LRRTM4: variants seen among roughly 807,000 people sequenced by gnomAD.
LRRTM4 encodes the protein leucine-rich repeat transmembrane neuronal protein 4.
A neutral mutation model predicts 47.6 loss-of-function variants in LRRTM4; 25 were observed. The ratio of observed to expected loss-of-function variants is 0.53; its 90% CI spans 0.38 to 0.73. The LOEUF (loss-of-function observed/expected upper bound fraction) is 0.73. Ranked by LOEUF, LRRTM4 falls within the 30% of genes least tolerant of loss-of-function variation. The probability of loss-of-function intolerance (pLI) is 0.00; values close to 1 mark genes in which losing one functional copy is unlikely to be tolerated. For synonymous variants in LRRTM4, 311 were observed against 269.5 expected (o/e 1.15, Z -1.51); for missense variants, 638 against 713.4 (o/e 0.89, Z 1.20).
chr2:77,171,110 G>A (rs984402699), intron 3 of LRRTM4, among the ~76,000 whole-genome samples: 2 of 151,564 alleles, frequency 1.3e-5, no homozygotes, highest in Non-Finnish European at 2.9e-5. Context: ...ATCTTTTGAC[G>A]GTACCAGCTT....
At chr2:77,059,986 G>T (rs1203458392) in intron 3 of LRRTM4, among the ~76,000 whole-genome samples, 1 of 152,178 alleles carries the variant, frequency 6.6e-6, no homozygotes, top group Non-Finnish European at 1.5e-5. Context: ...TTTAGAGGCA[G>T]GGTAGAGCAG....
intron 3 of LRRTM4, among the ~76,000 whole-genome samples, chr2:77,395,327 T>G (rs368893848): frequency 1.3e-5 from 2 of 151,978 alleles, no homozygotes; most frequent in East Asian, 3.9e-4. Flanking sequence ...ATTTTAATTT[T>G]AGTCTTACTT....
At chr2:77,386,926 G>T (rs921988876) in intron 3 of LRRTM4, among the ~76,000 whole-genome samples, 1 of 152,020 alleles carries the variant, frequency 6.6e-6, no homozygotes, top group African/African-American at 2.4e-5. Context: ...ATGTTCTGCA[G>T]ATGTATCCCA....
At chr2:76,904,038 C>T (rs1459274887) in intron 3 of LRRTM4, among the ~76,000 whole-genome samples, 5 of 152,248 alleles carry the variant, frequency 3.3e-5, no homozygotes, top group African/African-American at 1.2e-4. Context: ...CATTCAAACT[C>T]ATTTAATATT....
At chr2:76,788,660 GA>G (rs1273767961) in intron 3 of LRRTM4, among the ~76,000 whole-genome samples, 1 of 152,134 alleles carries the variant, frequency 6.6e-6, no homozygotes, top group Non-Finnish European at 1.5e-5. Flanking sequence ...TCATAAGAGA[GA>G]AAAGTAATAG....
intron 3 of LRRTM4, among the ~76,000 whole-genome samples, chr2:77,072,800 CAAAAAAAAAA>C (rs373786120): frequency 5.1e-5 from 4 of 78,742 alleles, no homozygotes; most frequent in Admixed American, 1.8e-4. Flanking sequence ...CTCCGTCTTC[CAAAAAAAAAA>C]AAAAAAAAAA....
At chr2:77,093,108 C>T (rs1032856497) in intron 3 of LRRTM4, among the ~76,000 whole-genome samples, 2 of 146,698 alleles carry the variant, frequency 1.4e-5, no homozygotes, top group African/African-American at 5.4e-5. Context: ...GTCATCCCCA[C>T]TATCTTCTGT....
At chr2:77,224,500 A>C (rs1042237279) in intron 3 of LRRTM4, among the ~76,000 whole-genome samples, 2 of 152,182 alleles carry the variant, frequency 1.3e-5, no homozygotes, top group African/African-American at 4.8e-5. Context: ...CAATGAACTC[A>C]AACAAATTTG....
At chr2:76,982,548 A>G (rs17013488) in intron 3 of LRRTM4, among the ~76,000 whole-genome samples, 3,417 of 152,146 alleles carry the variant, frequency 0.022, 148 homozygotes, top group African/African-American at 0.078. Flanking sequence ...CAGGGCGGAC[A>G]CTGGGTGAAG....
chr2:77,433,706 G>T (rs2103911027), intron 3 of LRRTM4, among the ~76,000 whole-genome samples: 1 of 152,202 alleles, frequency 6.6e-6, no homozygotes, highest in East Asian at 1.9e-4. Flanking sequence ...CAAAAAGAAG[G>T]ATTTCTTGGC....
chr2:76,908,519 A>C (rs1475621302), intron 3 of LRRTM4, among the ~76,000 whole-genome samples: 1 of 151,936 alleles, frequency 6.6e-6, no homozygotes, highest in Non-Finnish European at 1.5e-5. Context: ...AAGGAAATAA[A>C]GGGTATTCAA....
At chr2:77,420,032 G>A (rs1674810026) in intron 3 of LRRTM4, among the ~76,000 whole-genome samples, 1 of 152,182 alleles carries the variant, frequency 6.6e-6, no homozygotes, top group Non-Finnish European at 1.5e-5. Flanking sequence ...TGGGATGAAG[G>A]TGTTGGCTGG....
intron 3 of LRRTM4, among the ~76,000 whole-genome samples, chr2:77,305,966 T>C (rs1354282051): frequency 6.6e-6 from 1 of 152,152 alleles, no homozygotes; most frequent in African/African-American, 2.4e-5. Flanking sequence ...GATTACATCA[T>C]TTTGCAACCC....
intron 3 of LRRTM4, among the ~76,000 whole-genome samples, chr2:76,801,686 G>T (rs909516205): frequency 5.9e-5 from 9 of 151,772 alleles, no homozygotes; most frequent in African/African-American, 2.2e-4. Context: ...AAAAGTACAG[G>T]TTAACATCCC....
chr2:76,916,144 G>A (rs1348011344), intron 3 of LRRTM4, among the ~76,000 whole-genome samples: 3 of 151,918 alleles, frequency 2.0e-5, no homozygotes, highest in Non-Finnish European at 4.4e-5. Context: ...CCAGAGGAAA[G>A]AAAAAACTAA....
intron 3 of LRRTM4, among the ~76,000 whole-genome samples, chr2:77,367,289 T>TC (rs1672498283): frequency 6.6e-6 from 1 of 151,408 alleles, no homozygotes; most frequent in Admixed American, 6.6e-5. Flanking sequence ...TATTTGATTT[T>TC]TTTAATGTCA....
rs59335400 is a variant in LRRTM4 at position 77,207,372 on chromosome 2, T to TATATATACAC, written c.1551+310945_1551+310946insGTGTATATAT. ...GTGTATATATATATATATATATATA[T>TATATATACAC]ACACACACACATATTTATATACACA... On this transcript the variant is annotated intron_variant, in intron 3 of 3. Coordinates refer to ENST00000409884, the MANE Select transcript of LRRTM4 (RefSeq NM_001134745.3). Among the ~76,000 whole-genome samples, 739 of 131,034 alleles carry TATATATACAC rather than the reference T, an allele frequency of 5.6e-3. 10 individuals carry two copies. Among genetic ancestry groups the TATATATACAC allele is most frequent in the African/African-American group, 0.02 (622 of 30,872 alleles). 86.0% of individuals were successfully genotyped at this position (131,034 alleles called of 152,430 possible).
chr2:76,873,347 C>T (rs1037936817), intron 3 of LRRTM4, among the ~76,000 whole-genome samples: 2 of 151,544 alleles, frequency 1.3e-5, no homozygotes, highest in Non-Finnish European at 2.9e-5. Context: ...ACTTCATTTC[C>T]AATCACCTAG....
chr2:76,817,552 C>G (rs1670936509), intron 3 of LRRTM4, among the ~76,000 whole-genome samples: 1 of 151,798 alleles, frequency 6.6e-6, no homozygotes, highest in Non-Finnish European at 1.5e-5. Context: ...GATTAGGAAA[C>G]TTATTCAAGG....
Sources: allele counts gnomAD v4.1 joint callset (sites outside exome capture counted in the v4.1 genomes callset), GRCh38; gene constraint gnomAD v4.1.1; transcripts MANE v1.5; gene names NCBI Gene and HGNC (gene_info 2026-07-23, HGNC 2026-07-21).